STRA6: variants seen among roughly 807,000 people sequenced by gnomAD.
STRA6 encodes receptor for retinol uptake STRA6.
Under a neutral mutation model 83.6 loss-of-function variants are expected in STRA6, and 48 were observed. That is an observed-to-expected ratio of 0.57 (90% CI 0.46 to 0.73). The LOEUF is 0.73. Ranked by LOEUF, STRA6 falls within the 30% of genes least tolerant of loss-of-function variation. STRA6 has a pLI of 0.00. For synonymous variants in STRA6, 353 were observed against 362.3 expected, an observed-to-expected ratio of 0.97 and a Z score of 0.29; for missense variants, 760 against 838.8, an observed-to-expected ratio of 0.91 and a Z score of 1.16.
At chr15:74,191,603 T>C in intron 8 of STRA6, 112 bp from the exon 9 acceptor site, 1 of 940,530 alleles carries the variant, frequency 1.1e-6, no homozygotes, top group Admixed American at 1.8e-5. Context: ...AAAAACCTGT[T>C]GGCCATGGCG....
In STRA6 at chr15:74,188,002, A is replaced by G. The variant is rs976500713; in HGVS notation, c.1090+1113T>C. On this transcript the variant is annotated intron_variant, in intron 12 of 18. Coordinates refer to ENST00000395105, the MANE Select transcript of STRA6 (RefSeq NM_022369.4). The surrounding 1 kb of genome is among the most constrained non-coding windows in gnomAD (Gnocchi z 4.5). ...CCTGCCTATGAACCAGATTGCAACC[A>G]GCTCAGAAAATCTCCTGGGAGAGGA... Among the ~76,000 whole-genome samples the G allele has an allele frequency of 3.3e-5, 5 of 152,190 alleles. No individual in the cohort carries two copies. Among genetic ancestry groups the G allele is most frequent in the African/African-American group, 1.2e-4 (5 of 41,452 alleles).
chr15:74,210,795 G>C (rs369617402), upstream of STRA6, among the ~76,000 whole-genome samples: 9 of 152,248 alleles, frequency 5.9e-5, no homozygotes, highest in East Asian at 1.7e-3. Context: ...CCAGTGACTT[G>C]GAAAAAGAGT....
chr15:74,184,058 C>T (rs2142004870), intron 13 of STRA6, 69 bp from the exon 14 acceptor site: 1 of 1,596,568 alleles, frequency 6.3e-7, no homozygotes. Flanking sequence ...TCCTCTGGGC[C>T]AGCAACTGGC....
At chr15:74,183,777 C>T (rs2073106700) in intron 14 of STRA6, 79 bp downstream of exon 14, 2 of 1,609,604 alleles carry the variant, frequency 1.2e-6, no homozygotes. Context: ...ACTTGCTGAG[C>T]ACTCTTCTCC....
At position 74,202,769 on chromosome 15, in the gene STRA6, G is replaced by C. The variant is rs749265262; in HGVS notation, c.-72C>G. On this transcript the variant is annotated 5_prime_UTR_variant, in exon 1 of 19. Coordinates refer to ENST00000395105, the MANE Select transcript of STRA6 (RefSeq NM_022369.4). ...AGAGATGAAAGGGTAGGCAGCCCAC[G>C]GCCAGCTCCGCACTGCCTGCCTGGG... 2.9e-5 allele frequency: 34 copies of C among 1,183,406 alleles called. No homozygotes were observed. Among genetic ancestry groups the C allele is most frequent in the Non-Finnish European group, 3.3e-5 (32 of 957,140 alleles). 73.3% of individuals were successfully genotyped at this position (1,183,406 alleles called of 1,614,324 possible).
chr15:74,203,298 G>T, upstream of STRA6: 1 of 798,214 alleles, frequency 1.3e-6, no homozygotes, highest in Non-Finnish European at 1.5e-6. Flanking sequence ...CAGACCCACG[G>T]GTAGGCAAGA....
upstream of STRA6, among the ~76,000 whole-genome samples, chr15:74,207,166 G>A (rs552713742): frequency 1.3e-5 from 2 of 152,260 alleles, no homozygotes; most frequent in South Asian, 2.1e-4. Context: ...GCATTTCTGC[G>A]GGAGCCTGTG....
At chr15:74,209,479 G>A (rs2074335770), upstream of STRA6, 4 of 1,531,130 alleles carry the variant, frequency 2.6e-6, no homozygotes, top group South Asian at 2.4e-5. Flanking sequence ...GCTGGGCTGA[G>A]GGCCCTGACC....
chr15:74,193,988 G>A lies in STRA6; in HGVS notation c.598-66C>T, dbSNP rs542256917. 61 of 1,596,230 alleles carry A rather than the reference G, an allele frequency of 3.8e-5. No homozygotes were observed. The East Asian group carries it at 4.8e-4, about 12-fold the overall frequency. On this transcript the variant is annotated intron_variant, in intron 7 of 18. Transcript: ENST00000395105. ...TTCCCCCAGCCAAGAACCAGAATCC[G>A]TTGCCCTTCCCACCTCACACTGGGC...
At chr15:74,180,703 T>C (rs571526567) in intron 18 of STRA6, 79 bp downstream of exon 18, 5 of 1,522,758 alleles carry the variant, frequency 3.3e-6, no homozygotes, top group Non-Finnish European at 4.4e-6. Flanking sequence ...GCTCACTCTG[T>C]GTGCTGGGGA....
intron 6 of STRA6, 72 bp from the exon 7 acceptor site, chr15:74,195,540 G>C (rs2073771590): frequency 6.3e-7 from 1 of 1,588,126 alleles, no homozygotes; most frequent in African/African-American, 1.3e-5. Flanking sequence ...GCCCACCCAG[G>C]CCTCTCTTCG....
At chr15:74,180,292 C>T in intron 18 of STRA6, 49 bp from the exon 19 acceptor site, 1 of 1,610,442 alleles carries the variant, frequency 6.2e-7, no homozygotes, top group South Asian at 1.1e-5. Flanking sequence ...ACCCAGCCAA[C>T]CCTCCCTGGC....
intron 8 of STRA6, among the ~76,000 whole-genome samples, chr15:74,193,304 T>C (rs571373372): frequency 1.3e-5 from 2 of 152,312 alleles, no homozygotes; most frequent in East Asian, 3.9e-4. Flanking sequence ...ACTCTAGATC[T>C]CCCTGTCCTT....
At chr15:74,208,099 TGAG>T (rs1195376512) in intron 1 of STRA6, 22 of 1,168,032 alleles carry the variant, frequency 1.9e-5, no homozygotes, top group East Asian at 1.1e-4. Flanking sequence ...TGGACACTGG[TGAG>T]GAGGAGGAGG....
rs1327392104 is a variant in STRA6, at chr15:74,188,200, T to C, written c.1090+915A>G. Among the ~76,000 whole-genome samples, 2 of 152,108 alleles carry C rather than the reference T, an allele frequency of 1.3e-5. No individual in the cohort carries two copies. Among genetic ancestry groups the C allele is most frequent in the African/African-American group, 4.8e-5 (2 of 41,442 alleles). On this transcript the variant is annotated intron_variant, in intron 12 of 18. Coordinates refer to ENST00000395105, the MANE Select transcript of STRA6 (RefSeq NM_022369.4). This position sits in a 1 kb window ranked among gnomAD's most constrained non-coding sequence, Gnocchi z 4.5. ...CCACCCCCCACTCCCTGCCCCGCCA[T>C]GACCAGCATGCCCAGGTCTGTAGGA...
chr15:74,191,297 G>C, intron 9 of STRA6, 54 bp from the exon 10 acceptor site: 1 of 1,611,540 alleles, frequency 6.2e-7, no homozygotes, highest in South Asian at 1.1e-5. Context: ...CATTCCCTGA[G>C]GGCCAGCCCC....
intron 2 of STRA6, 64 bp downstream of exon 2, chr15:74,202,091 G>A: frequency 1.4e-6 from 2 of 1,398,160 alleles, no homozygotes; most frequent in South Asian, 4.2e-5. Flanking sequence ...CTGGCCAGTT[G>A]CAACCTCTGC....
At position 74,180,184 on chromosome 15, in the gene STRA6, G is replaced by C; in HGVS notation, c.1900C>G (p.Arg634Gly). ...GCCAGACCCCAGCGAGCCCTGCCGC[G>C]GCTGGCCCCGGGCCTAGCTCCCTTG... ...MAKGARPGAS[R>G]GRARWGLAYT... The change falls in exon 19 of 19, where the codon CGC (arginine) becomes GGC (glycine). Residue 634 changes from arginine to glycine, a missense_variant. Physicochemically the swap from Arg to Gly is moderately radical, Grantham distance 125 (BLOSUM62 -2). Transcript: ENST00000395105. 1.2e-6 allele frequency: 2 copies of C among 1,614,012 alleles called. No homozygotes were observed. The highest frequency in any genetic ancestry group is 1.7e-6 in the Non-Finnish European group (2 of 1,179,992).
At chr15:74,184,959 G>A (rs749173569) in intron 13 of STRA6, 21 bp downstream of exon 13, 21 of 1,612,612 alleles carry the variant, frequency 1.3e-5, no homozygotes, top group East Asian at 2.2e-5. Flanking sequence ...GGCGCTGGGT[G>A]AGCCAGAGTC....
Sources: allele counts gnomAD v4.1 joint callset (sites outside exome capture counted in the v4.1 genomes callset), GRCh38; gene constraint gnomAD v4.1.1; non-coding constraint Gnocchi (gnomAD v3.1); transcripts MANE v1.5; gene names NCBI Gene and HGNC (gene_info 2026-07-23, HGNC 2026-07-21).